The following TAFA1 variants were observed in gnomAD, a reference collection of about 807,000 sequenced individuals.
TAFA1 encodes chemokine-like protein TAFA-1.
TAFA1 carries 4 observed loss-of-function variants against 18.5 expected under a neutral mutation model. The observed-to-expected ratio is 0.22, with a 90% CI of 0.11 to 0.49. The LOEUF (loss-of-function observed/expected upper bound fraction) is 0.49, where lower values mean the gene tolerates loss of function less well. Among genes scored for constraint, TAFA1 ranks in the 20% least tolerant of loss-of-function variants. The pLI is 0.98. For synonymous variants in TAFA1, 56 were observed against 55.2 expected, an observed-to-expected ratio of 1.01 and a Z score of -0.06; for missense variants, 147 against 169.0, an observed-to-expected ratio of 0.87 and a Z score of 0.72.
chr3:68,506,456 AACACACACACACAGAGACAC>A, intron 3 of TAFA1, among the ~76,000 whole-genome samples: 1 of 147,568 alleles, frequency 6.8e-6, no homozygotes, highest in Admixed American at 6.8e-5. Context: ...GGGTGTGTTC[AACACACACACACAGAGACAC>A]ACACACACAC....
chr3:68,083,619 T>G (rs1174579963), intron 2 of TAFA1, among the ~76,000 whole-genome samples: 2 of 152,180 alleles, frequency 1.3e-5, no homozygotes, highest in Non-Finnish European at 2.9e-5. Context: ...ATTCTGACAC[T>G]ATTGTGGCTC....
intron 3 of TAFA1, among the ~76,000 whole-genome samples, chr3:68,464,738 T>C (rs2071853442): frequency 6.6e-6 from 1 of 152,104 alleles, no homozygotes; most frequent in Non-Finnish European, 1.5e-5. Flanking sequence ...ATGCCTGCTG[T>C]TGGAGAATAA....
Position 68,218,230 on chromosome 3 carries a change from T to G in TAFA1, c.119-199050T>G, listed in dbSNP as rs2066684114. On this transcript the variant is annotated intron_variant, in intron 2 of 4. Transcript: ENST00000478136. Reference sequence around the variant, plus strand: ...TTCTTTGTATTTAAATAGATGTTGATTTCAGATTTTTTTCTCAACATCGAC... The same window carrying G: ...TTCTTTGTATTTAAATAGATGTTGAGTTCAGATTTTTTTCTCAACATCGAC... Among the ~76,000 whole-genome samples, 3 of 152,090 alleles carry G rather than the reference T, an allele frequency of 2.0e-5. No homozygotes were observed. In the South Asian group the frequency reaches 6.2e-4, roughly 32 times the overall value.
intron 2 of TAFA1, among the ~76,000 whole-genome samples, chr3:68,400,476 C>T (rs982757221): frequency 6.6e-6 from 1 of 152,122 alleles, no homozygotes; most frequent in African/African-American, 2.4e-5. Context: ...AGCTTTATTG[C>T]TTATGCTGCT....
chr3:68,071,082 T>C (rs965176306), intron 2 of TAFA1, among the ~76,000 whole-genome samples: 2 of 152,176 alleles, frequency 1.3e-5, no homozygotes, highest in African/African-American at 4.8e-5. Context: ...AGTCCCCCAT[T>C]CTCCTGGTCC....
intron 2 of TAFA1, among the ~76,000 whole-genome samples, chr3:68,047,445 T>G (rs1247885767): frequency 6.6e-6 from 1 of 152,130 alleles, no homozygotes; most frequent in African/African-American, 2.4e-5. Flanking sequence ...AAAGTTTATT[T>G]TATATGGGTA....
intron 2 of TAFA1, among the ~76,000 whole-genome samples, chr3:68,097,409 A>G (rs746451907): frequency 9.9e-5 from 15 of 152,088 alleles, no homozygotes; most frequent in South Asian, 2.1e-4. Context: ...TTCCTTCCCC[A>G]TTTGTGTTTG....
At chr3:68,003,247 C>G (rs1006136141), upstream of TAFA1, among the ~76,000 whole-genome samples, 3 of 152,210 alleles carry the variant, frequency 2.0e-5, no homozygotes, top group Non-Finnish European at 4.4e-5. Flanking sequence ...CTGTGTGTAA[C>G]ATGAGAAAAC....
intron 2 of TAFA1, among the ~76,000 whole-genome samples, chr3:68,110,652 G>T (rs559935590): frequency 6.6e-6 from 1 of 152,278 alleles, no homozygotes; most frequent in African/African-American, 2.4e-5. Context: ...ACACAATGCA[G>T]ATTGAGAGCC....
At chr3:68,493,450 G>A (rs2072490194) in intron 3 of TAFA1, among the ~76,000 whole-genome samples, 3 of 152,074 alleles carry the variant, frequency 2.0e-5, no homozygotes, top group Admixed American at 6.5e-5. Context: ...TATGCACATG[G>A]GTGCACAAAT....
At chr3:68,052,469 A>G (rs1180131127) in intron 2 of TAFA1, among the ~76,000 whole-genome samples, 2 of 152,178 alleles carry the variant, frequency 1.3e-5, no homozygotes, top group South Asian at 4.1e-4. Context: ...TGGACTCATT[A>G]AAGAAAGAAA....
intron 2 of TAFA1, among the ~76,000 whole-genome samples, chr3:68,038,091 G>A (rs1335392779): frequency 2.0e-5 from 3 of 152,076 alleles, no homozygotes; most frequent in Non-Finnish European, 4.4e-5. Flanking sequence ...GAAATCACAG[G>A]GCGATGCTGA....
intron 3 of TAFA1, among the ~76,000 whole-genome samples, chr3:68,463,448 C>T (rs2071823397): frequency 6.6e-6 from 1 of 152,132 alleles, no homozygotes. Flanking sequence ...TTTTCATTAG[C>T]ACTTTTTTTG....
chr3:68,053,178 T>C (rs1362255154), intron 2 of TAFA1, among the ~76,000 whole-genome samples: 3 of 152,092 alleles, frequency 2.0e-5, no homozygotes, highest in Admixed American at 1.3e-4. Context: ...GCACAGACAA[T>C]TTTCAAATAT....
At chr3:68,063,403 C>G (rs996440091) in intron 2 of TAFA1, among the ~76,000 whole-genome samples, 5 of 151,946 alleles carry the variant, frequency 3.3e-5, no homozygotes, top group African/African-American at 1.2e-4. Flanking sequence ...TTGGCATGCA[C>G]CATAATTATA....
intron 2 of TAFA1, among the ~76,000 whole-genome samples, chr3:68,053,599 A>C (rs2064498785): frequency 6.6e-6 from 1 of 151,828 alleles, no homozygotes; most frequent in African/African-American, 2.4e-5. Flanking sequence ...TGCATTTCAC[A>C]GTAATTTGTG....
chr3:68,431,712 A>C (rs2071175979), intron 3 of TAFA1, among the ~76,000 whole-genome samples: 1 of 152,022 alleles, frequency 6.6e-6, no homozygotes, highest in Non-Finnish European at 1.5e-5. Flanking sequence ...TTGAATTTCA[A>C]CCCTAATTCT....
intron 2 of TAFA1, among the ~76,000 whole-genome samples, chr3:68,274,904 G>A (rs769830724): frequency 7.9e-5 from 12 of 151,702 alleles, no homozygotes; most frequent in Non-Finnish European, 1.3e-4. Flanking sequence ...CATTATTTTC[G>A]TCATTTTGTT....
intron 3 of TAFA1, among the ~76,000 whole-genome samples, chr3:68,434,919 A>G (rs550742523): frequency 1.2e-4 from 18 of 152,274 alleles, no homozygotes; most frequent in African/African-American, 4.3e-4. Context: ...TTCATTCTGC[A>G]AATACTTACT....
Sources: gnomAD v4.1 joint callset for allele counts (sites outside exome capture counted in the v4.1 genomes callset) on GRCh38, gnomAD v4.1.1 for gene constraint, MANE v1.5 for transcripts, NCBI Gene and HGNC (gene_info 2026-07-23, HGNC 2026-07-21) for gene names.